Variants in CTNNB1 observed in about 807,000 individuals in gnomAD.
CTNNB1 encodes catenin beta-1.
A neutral mutation model predicts 82.5 loss-of-function variants in CTNNB1; 6 were observed. The ratio of observed to expected loss-of-function variants is 0.07; its 90% confidence interval spans 0.04 to 0.14. CTNNB1 has a LOEUF of 0.14. Ranked by LOEUF, CTNNB1 falls within the 10% of genes least tolerant of loss-of-function variation. The pLI, the probability that CTNNB1 is intolerant of heterozygous loss-of-function variation, is 1.00. For missense variants in CTNNB1, 529 were observed against 980.4 expected (o/e 0.54, Z 6.15); for synonymous variants, 312 against 329.7 (o/e 0.95, Z 0.58).
intron 13 of CTNNB1, 103 bp downstream of exon 13, chr3:41,236,812 T>C (rs965020343): frequency 1.9e-5 from 28 of 1,478,946 alleles, no homozygotes; most frequent in Non-Finnish European, 2.5e-5. Context: ...TTTGCATTGA[T>C]GTTTCCCTGG....
At position 41,234,269 on chromosome 3, in the gene CTNNB1, C is replaced by A. The variant is rs2125642121; in HGVS notation, c.1655C>A (p.Ser552Tyr). Residue 552 changes from serine to tyrosine, a missense_variant, in exon 10 of 15, where the codon TCC becomes TAC. Ser to Tyr is a moderately radical substitution (Grantham distance 144, BLOSUM62 -2). Transcript: ENST00000349496. ...CATCAGGATACCCAGCGCCGTACGT[C>A]CATGGGTGGGACACAGCAGCAATTT... ...RAHQDTQRRT[S>Y]MGGTQQQFVE... 2 of 1,614,190 alleles carry A rather than the reference C, an allele frequency of 1.2e-6. No homozygotes were observed. The highest frequency in any genetic ancestry group is 1.7e-6 in the Non-Finnish European group (2 of 1,180,024).
intron 2 of CTNNB1, 103 bp from the exon 3 acceptor site, chr3:41,224,423 T>TTATTTCTAAAAA: frequency 8.1e-7 from 1 of 1,237,426 alleles, no homozygotes; most frequent in Non-Finnish European, 1.2e-6. Flanking sequence ...AGATTTGACT[T>TTATTTCTAAAAA]TATTTCTAAA....
chr3:41,211,168 T>C lies in CTNNB1; in HGVS notation c.-49+11498T>C, dbSNP rs1233983357. ...TACACCAGCATCACCACAAACACCA[T>C]GAGTAGAACATTGTGCTGCGACGTT... On this transcript the variant is annotated intron_variant, in intron 1 of 14. Coordinates refer to ENST00000349496, the MANE Select transcript of CTNNB1 (RefSeq NM_001904.4). 10 of 436,088 alleles carry C rather than the reference T, an allele frequency of 2.3e-5. No homozygotes were observed. In the East Asian group the frequency reaches 5.0e-4, roughly 22 times the overall value. The allele number at this position is 436,088 out of a possible 1,614,324, so 27.0% of individuals were successfully genotyped here.
chr3:41,220,784 T>A (rs916722486), intron 1 of CTNNB1: 2 of 152,224 alleles, frequency 1.3e-5, no homozygotes. Flanking sequence ...TTAAAATATG[T>A]CTGCTTTATA....
rs2125628087 is a variant in CTNNB1, at chr3:41,227,306, G to A, written c.1035G>A (p.Lys345=). 1 of 1,613,968 alleles carries A rather than the reference G, an allele frequency of 6.2e-7. No homozygotes were observed. The highest frequency in any genetic ancestry group is 8.5e-7 in the Non-Finnish European group (1 of 1,179,890). ...KLLWTTSRVL[K]VLSVCSSNKP... ...TGTGGACCACAAGCAGAGTGCTGAA[G>A]GTGCTATCTGTCTGCTCTAGTAATA... The change falls in exon 7 of 15, where the codon AAG becomes AAA. Residue 345 remains lysine, a synonymous_variant. Transcript: ENST00000349496.
At chr3:41,238,158 T>C in intron 14 of CTNNB1, 82 bp downstream of exon 14, 1 of 1,275,950 alleles carries the variant, frequency 7.8e-7, no homozygotes, top group South Asian at 1.2e-5. Context: ...TTTGCTCATC[T>C]GGGAAACCAG....
intron 1 of CTNNB1, among the ~76,000 whole-genome samples, chr3:41,206,973 A>G (rs2077662889): frequency 6.6e-6 from 1 of 152,234 alleles, no homozygotes; most frequent in Admixed American, 6.5e-5. Flanking sequence ...CTCTTTAAAT[A>G]GATTATAAAT....
At chr3:41,217,594 TTC>T (rs1371705297) in intron 1 of CTNNB1, among the ~76,000 whole-genome samples, 1 of 152,218 alleles carries the variant, frequency 6.6e-6, no homozygotes, top group Non-Finnish European at 1.5e-5. Context: ...CAGAATACAT[TTC>T]TGTTATAAAA....
rs2125620126 is a variant in CTNNB1, at chr3:41,225,039, C to G, written c.327C>G (p.Ile109Met). The G allele has an allele frequency of 1.2e-6, 2 of 1,613,468 alleles. No individual in the cohort carries two copies. Among genetic ancestry groups the G allele is most frequent in the Non-Finnish European group, 8.5e-7 (1 of 1,179,824 alleles). ...FPETLDEGMQIPSTQFDAAHP... is the reference protein window; with the variant it reads ...FPETLDEGMQMPSTQFDAAHP... ...AGACATTAGATGAGGGCATGCAGAT[C>G]CCATCTACACAGTTTGATGCTGCTC... Residue 109 changes from isoleucine (I) to methionine (M), a missense_variant, in exon 4 of 15, where the codon ATC becomes ATG. Ile to Met is a conservative substitution (Grantham distance 10). Transcript: ENST00000349496. The surrounding 1 kb of genome is among the most constrained non-coding windows in gnomAD (Gnocchi z 5.3).
intron 1 of CTNNB1, among the ~76,000 whole-genome samples, chr3:41,204,995 A>G (rs2077616473): frequency 6.6e-6 from 1 of 152,246 alleles, no homozygotes; most frequent in East Asian, 1.9e-4. Context: ...GGAAACCCAC[A>G]TTTTTAAAGT....
rs138539284 is a variant in CTNNB1, at chr3:41,234,267, G to T, written c.1653G>T (p.Thr551=). Residue 551 remains threonine (T), a synonymous_variant, in exon 10 of 15, where the codon ACG becomes ACT. Transcript: ENST00000349496. ...VRAHQDTQRR[T]SMGGTQQQFV... is the part of the protein sequence containing the mutation. ...CACATCAGGATACCCAGCGCCGTACGTCCATGGGTGGGACACAGCAGCAAT... is the reference window on the plus strand; with the variant it reads ...CACATCAGGATACCCAGCGCCGTACTTCCATGGGTGGGACACAGCAGCAAT... 1.2e-6 allele frequency: 2 copies of T among 1,614,182 alleles called. No individual in the cohort carries two copies. Among genetic ancestry groups the T allele is most frequent in the Non-Finnish European group, 1.7e-6 (2 of 1,180,034 alleles).
chr3:41,239,072 C>G (rs2125652627), intron 14 of CTNNB1, 62 bp from the exon 15 acceptor site: 14 of 1,371,712 alleles, frequency 1.0e-5, no homozygotes, highest in African/African-American at 1.4e-5. Context: ...TCTATGTCTG[C>G]TTCTCTCCTC....
chr3:41,232,185 G>GT (rs1313418799), intron 7 of CTNNB1, among the ~76,000 whole-genome samples: 1 of 152,070 alleles, frequency 6.6e-6, no homozygotes, highest in African/African-American at 2.4e-5. Flanking sequence ...GTGTTTTAAA[G>GT]TCTCTGTAGG....
chr3:41,228,407 C>G (rs1216745306), intron 7 of CTNNB1, among the ~76,000 whole-genome samples: 1 of 152,146 alleles, frequency 6.6e-6, no homozygotes, highest in Non-Finnish European at 1.5e-5. Flanking sequence ...TTATTAGTAG[C>G]CATTCTAACT....
At chr3:41,207,473 C>G (rs1397272088) in intron 1 of CTNNB1, among the ~76,000 whole-genome samples, 1 of 152,118 alleles carries the variant, frequency 6.6e-6, no homozygotes, top group African/African-American at 2.4e-5. Flanking sequence ...CTCTCCTCTC[C>G]CCCATCAGGA....
chr3:41,228,320 A>G (rs2078225984), intron 7 of CTNNB1, among the ~76,000 whole-genome samples: 1 of 152,194 alleles, frequency 6.6e-6, no homozygotes, highest in African/African-American at 2.4e-5. Flanking sequence ...GGCTGAACTA[A>G]TTTACTTTCC....
At chr3:41,224,883 C>T (rs1465993544) in intron 3 of CTNNB1, 71 bp from the exon 4 acceptor site, 1 of 1,610,276 alleles carries the variant, frequency 6.2e-7, no homozygotes, top group South Asian at 1.1e-5. Context: ...GTCACTTTTA[C>T]CATTTAGGAT....
chr3:41,205,811 C>T (rs778654891), intron 1 of CTNNB1, among the ~76,000 whole-genome samples: 2 of 152,092 alleles, frequency 1.3e-5, no homozygotes, highest in African/African-American at 2.4e-5. Context: ...ATTTTTATTA[C>T]GATACGATGG....
chr3:41,234,519 A>G, intron 10 of CTNNB1: 1 of 569,226 alleles, frequency 1.8e-6, no homozygotes, highest in Non-Finnish European at 3.1e-6. Flanking sequence ...TCACATGGTC[A>G]GTCTTACAAA....
Sources: allele counts gnomAD v4.1 joint callset (sites outside exome capture counted in the v4.1 genomes callset), GRCh38; gene constraint gnomAD v4.1.1; non-coding constraint Gnocchi (gnomAD v3.1); transcripts MANE v1.5; gene names NCBI Gene and HGNC (gene_info 2026-07-23, HGNC 2026-07-21).